DOCK11: variants seen among roughly 807,000 people sequenced by gnomAD.
The protein encoded by DOCK11 is dedicator of cytokinesis 11, also known as dedicator of cytokinesis protein 11.
In DOCK11, 70 loss-of-function variants were observed where a neutral mutation model predicts 169.1. The observed-to-expected ratio is 0.41, with a 90% CI of 0.34 to 0.51. The LOEUF is 0.51. Among genes scored for constraint, DOCK11 ranks in the 20% least tolerant of loss-of-function variants. The pLI is 0.10. For missense variants in DOCK11, 1,166 were observed against 1,538.8 expected, an observed-to-expected ratio of 0.76 and a Z score of 4.05; for synonymous variants, 529 against 541.3, an observed-to-expected ratio of 0.98 and a Z score of 0.32.
At chrX:118,509,423 T>C (rs1221333622) in intron 1 of DOCK11, among the ~76,000 whole-genome samples, 1 of 111,600 alleles carries the variant, frequency 9.0e-6, no homozygotes, top group Non-Finnish European at 1.9e-5. Context: ...CCACCACTCC[T>C]GGCTAATTTT....
At chrX:118,631,711 T>C (rs562980937) in intron 35 of DOCK11, among the ~76,000 whole-genome samples, 2 of 109,422 alleles carry the variant, frequency 1.8e-5, no homozygotes, top group Admixed American at 9.8e-5. Context: ...TTAAAAAAAA[T>C]AGGTCCAAGA....
rs934672821 is a variant in DOCK11, at chrX:118,604,608, T to C, written c.2563-630T>C. On this transcript the variant is annotated intron_variant, in intron 23 of 52. Transcript: ENST00000276202. ...AGAAGGGAAGAAAGAAGAAAGAAAT[T>C]GAACAACTTTCACTGTTTGTATTAT... 7.7e-5 allele frequency among the ~76,000 whole-genome samples: 7 copies of C among 90,429 alleles called. No individual in the cohort carries two copies. In the East Asian group the frequency reaches 2.5e-3, roughly 32 times the overall value. The allele number at this position is 90,429 out of a possible 115,157, so 78.5% of individuals were successfully genotyped here.
intron 6 of DOCK11, 103 bp downstream of exon 6, chrX:118,546,219 A>C (rs1225224782): frequency 4.3e-5 from 17 of 392,648 alleles, no homozygotes; most frequent in Admixed American, 2.5e-4. Flanking sequence ...GCAAAAAAAA[A>C]AAAAAAAAAA....
In DOCK11 at chrX:118,681,682, A is replaced by C; in HGVS notation, c.5863-12A>C. ...CTGGAAACACTCTCATTTTTCTTCT[A>C]TTGTGATATAGGTCAATGCTGGTCC... On this transcript the variant is annotated splice_polypyrimidine_tract_variant and intron_variant, in intron 50 of 52. Coordinates refer to ENST00000276202, the MANE Select transcript of DOCK11 (RefSeq NM_144658.4). The C allele has an allele frequency of 2.7e-6, 3 of 1,120,388 alleles. No individual in the cohort carries two copies. Among genetic ancestry groups the C allele is most frequent in the Non-Finnish European group, 3.6e-6 (3 of 843,920 alleles). 92.3% of individuals were successfully genotyped at this position (1,120,388 alleles called of 1,213,427 possible).
intron 45 of DOCK11, among the ~76,000 whole-genome samples, chrX:118,669,558 A>C (rs1334289692): frequency 1.8e-5 from 2 of 111,305 alleles, no homozygotes; most frequent in Non-Finnish European, 3.8e-5. Context: ...TTATTAGGGT[A>C]CTAATCCCAT....
intron 1 of DOCK11, among the ~76,000 whole-genome samples, chrX:118,533,143 C>T (rs1429107733): frequency 9.0e-6 from 1 of 110,865 alleles, no homozygotes; most frequent in Non-Finnish European, 1.9e-5. Flanking sequence ...AGGCGCCCAT[C>T]ACCACATCTG....
chrX:118,626,921 G>A (rs759398098), intron 32 of DOCK11, among the ~76,000 whole-genome samples: 1 of 112,651 alleles, frequency 8.9e-6, no homozygotes, highest in South Asian at 3.6e-4. Flanking sequence ...CTAAGGAGGA[G>A]AACTGAATCA....
rs775280187 is a variant in DOCK11 at position 118,578,593 on chromosome X, G to C, written c.1458G>C (p.Gln486His). 2 of 1,207,545 alleles carry C rather than the reference G, an allele frequency of 1.7e-6. No individual in the cohort carries two copies. Among genetic ancestry groups the C allele is most frequent in the Non-Finnish European group, 2.2e-6 (2 of 892,274 alleles). Residue 486 changes from glutamine (Q) to histidine (H), a missense_variant, in exon 13 of 53, where the codon CAG (glutamine) becomes CAC (histidine). Physicochemically the swap from Gln to His is conservative, Grantham distance 24. Transcript: ENST00000276202. ...TTGCCAGAATTGAAAAGGTACTACA[G>C]GGAAACATTACACACTGTGCAGAAC... is the stretch of plus-strand genomic sequence containing the variant. ...FLVARIEKVL[Q>H]GNITHCAEPY...
Position 118,630,403 on chromosome X carries a change from A to G in DOCK11, c.3799A>G (p.Ser1267Gly). ...ENTRQSSTRS[S>G]VSQYNRLDQY... Reference sequence around the variant, plus strand: ...GACCCGACAGAGTTCTACAAGGAGTAGTGTATCCCAGTATAACCGCCTGGA... The same window carrying G: ...GACCCGACAGAGTTCTACAAGGAGTGGTGTATCCCAGTATAACCGCCTGGA... Residue 1267 changes from serine to glycine, a missense_variant, in exon 35 of 53, where the codon AGT (serine) becomes GGT (glycine). Ser to Gly is a moderately conservative substitution (Grantham distance 56). Coordinates refer to ENST00000276202, the MANE Select transcript of DOCK11 (RefSeq NM_144658.4). 1.7e-6 allele frequency: 2 copies of G among 1,205,424 alleles called. No individual in the cohort carries two copies. Among genetic ancestry groups the G allele is most frequent in the Non-Finnish European group, 1.1e-6 (1 of 890,701 alleles).
At chrX:118,540,085 A>C (rs192659047) in intron 1 of DOCK11, among the ~76,000 whole-genome samples, 1 of 108,915 alleles carries the variant, frequency 9.2e-6, no homozygotes, top group African/African-American at 3.3e-5. Context: ...AAGGAAAAGA[A>C]AAGAAAAAAG....
rs370809198 is a variant in DOCK11 at position 118,618,547 on chromosome X, C to T, written c.3293-3C>T. 3 of 1,180,414 alleles carry T rather than the reference C, an allele frequency of 2.5e-6. No individual in the cohort carries two copies. The African/African-American group carries it at 5.3e-5, about 21-fold the overall frequency. ...ATGGGTTTTAAATTTCATTGTACTG[C>T]AGATTCAAATCTTGAATACAGTTTA... On this transcript the variant is annotated splice_region_variant and splice_polypyrimidine_tract_variant and intron_variant, in intron 30 of 52. Transcript: ENST00000276202.
chrX:118,629,110 G>A (rs1470783428), intron 34 of DOCK11, among the ~76,000 whole-genome samples: 1 of 111,323 alleles, frequency 9.0e-6, no homozygotes, highest in Non-Finnish European at 1.9e-5. Context: ...CTGCTAACAT[G>A]TATTTCTAAG....
chrX:118,609,548 C>G (rs1245302400), intron 27 of DOCK11, among the ~76,000 whole-genome samples, 199 bp downstream of exon 27: 1 of 112,187 alleles, frequency 8.9e-6, no homozygotes, highest in Non-Finnish European at 1.9e-5. Context: ...TTGCATAAAT[C>G]TGAGGTCTCG....
At chrX:118,502,424 G>A (rs778990946) in intron 1 of DOCK11, among the ~76,000 whole-genome samples, 18 of 112,047 alleles carry the variant, frequency 1.6e-4, no homozygotes, top group Non-Finnish European at 3.2e-4. Flanking sequence ...AGCCAAAGAG[G>A]CTACATTTCT....
intron 28 of DOCK11, among the ~76,000 whole-genome samples, chrX:118,611,982 T>G (rs1248089248): frequency 8.9e-6 from 1 of 112,181 alleles, no homozygotes; most frequent in East Asian, 2.8e-4. Context: ...TGACTTCAAG[T>G]GATCTGCCCC....
intron 40 of DOCK11, among the ~76,000 whole-genome samples, chrX:118,647,139 A>ATGTG (rs200211345): frequency 0.011 from 932 of 85,503 alleles, 6 homozygotes; most frequent in Non-Finnish European, 0.017. Context: ...TGAAGAGGAT[A>ATGTG]TGTGTGTGTG....
intron 44 of DOCK11, among the ~76,000 whole-genome samples, chrX:118,658,204 G>C (rs1033644196): frequency 8.9e-6 from 1 of 112,248 alleles, no homozygotes; most frequent in Non-Finnish European, 1.9e-5. Context: ...ATGAAGCCAA[G>C]AGGGAAGGAG....
intron 6 of DOCK11, among the ~76,000 whole-genome samples, chrX:118,559,682 G>A (rs144135696): frequency 0.017 from 1,908 of 110,198 alleles, 19 homozygotes; most frequent in Non-Finnish European, 0.027. Context: ...TCAGGAGTTC[G>A]AGACCAGCAT....
At chrX:118,667,940 A>G (rs1243500634) in intron 45 of DOCK11, among the ~76,000 whole-genome samples, 1 of 112,058 alleles carries the variant, frequency 8.9e-6, no homozygotes, top group African/African-American at 3.2e-5. Context: ...TGTTGTTGCT[A>G]GTATATAGAA....
Sources: gnomAD v4.1 joint callset for allele counts (sites outside exome capture counted in the v4.1 genomes callset) on GRCh38, gnomAD v4.1.1 for gene constraint, MANE v1.5 for transcripts, NCBI Gene and HGNC (gene_info 2026-07-23, HGNC 2026-07-21) for gene names.